The following FAM135B variants were observed in gnomAD, a reference collection of about 807,000 sequenced individuals.
FAM135B encodes the protein protein FAM135B.
Under a neutral mutation model 127.7 loss-of-function variants are expected in FAM135B, and 43 were observed. The ratio of observed to expected loss-of-function variants is 0.34; its 90% CI spans 0.26 to 0.43. The LOEUF is 0.43. Ranked by LOEUF, FAM135B falls within the 20% of genes least tolerant of loss-of-function variation. The pLI is 1.00. For missense variants in FAM135B, 1,558 were observed against 1,725.6 expected, an observed-to-expected ratio of 0.90 and a Z score of 1.72; for synonymous variants, 670 against 665.1, an observed-to-expected ratio of 1.01 and a Z score of -0.11.
chr8:138,290,146 T>G (rs939603261), intron 3 of FAM135B, among the ~76,000 whole-genome samples: 8 of 152,076 alleles, frequency 5.3e-5, no homozygotes, highest in African/African-American at 1.9e-4. Flanking sequence ...GAGTCCCCCT[T>G]ATGAGCTGGG....
At chr8:138,250,726 C>T in intron 6 of FAM135B, 115 bp downstream of exon 6, 3 of 1,179,270 alleles carry the variant, frequency 2.5e-6, no homozygotes, top group Non-Finnish European at 3.6e-6. Context: ...AAACCTGCAG[C>T]CTTAGAGAAA....
At chr8:138,474,780 C>T (rs1274561518) in intron 1 of FAM135B, among the ~76,000 whole-genome samples, 1 of 152,140 alleles carries the variant, frequency 6.6e-6, no homozygotes, top group African/African-American at 2.4e-5. Flanking sequence ...TGACTCCTTC[C>T]ACTAGGGCTG....
At chr8:138,351,252 C>T (rs76569568) in intron 2 of FAM135B, among the ~76,000 whole-genome samples, 2,076 of 152,218 alleles carry the variant, frequency 0.014, 47 homozygotes, top group African/African-American at 0.047. Flanking sequence ...GAAACAGGGT[C>T]TTTATAGAGT....
Position 138,288,898 on chromosome 8 carries a change from T to C in FAM135B, c.157+21943A>G, listed in dbSNP as rs148893698. Among the ~76,000 whole-genome samples the C allele has an allele frequency of 2.9e-3, 438 of 152,318 alleles. 1 individual carries two copies. The highest frequency in any genetic ancestry group is 1.0e-2 in the African/African-American group (415 of 41,582). ...TGAGCTTTGGAGCAGTGCCTGGAAA[T>C]GTTAAGTGCACCCAGTAGGTCTGCA... On this transcript the variant is annotated intron_variant, in intron 3 of 19. Transcript: ENST00000395297.
intron 2 of FAM135B, among the ~76,000 whole-genome samples, chr8:138,358,141 A>G (rs1830205024): frequency 6.6e-6 from 1 of 152,078 alleles, no homozygotes; most frequent in Non-Finnish European, 1.5e-5. Flanking sequence ...ATTCACTACC[A>G]CGAGAAAAGC....
At chr8:138,166,917 T>G (rs1018871654) in intron 12 of FAM135B, among the ~76,000 whole-genome samples, 1 of 152,178 alleles carries the variant, frequency 6.6e-6, no homozygotes, top group Admixed American at 6.5e-5. Flanking sequence ...TACCCTTTCC[T>G]GTTGGTTCAG....
chr8:138,167,473 G>A (rs763243719), intron 12 of FAM135B, among the ~76,000 whole-genome samples: 1 of 152,192 alleles, frequency 6.6e-6, no homozygotes, highest in Non-Finnish European at 1.5e-5. Context: ...TGGGATTACA[G>A]GCGCGAGCCA....
intron 7 of FAM135B, among the ~76,000 whole-genome samples, chr8:138,208,662 T>A (rs1384634553): frequency 2.6e-5 from 4 of 152,198 alleles, no homozygotes; most frequent in Non-Finnish European, 5.9e-5. Flanking sequence ...GGACAGAGAC[T>A]TTGCTGCCCT....
intron 1 of FAM135B, among the ~76,000 whole-genome samples, chr8:138,491,809 G>A (rs993240753): frequency 6.6e-6 from 1 of 152,208 alleles, no homozygotes; most frequent in African/African-American, 2.4e-5. Context: ...TGACATTTGA[G>A]TTGCAGCCAG....
In FAM135B at chr8:138,287,152, C is replaced by T. The variant is rs187343422; in HGVS notation, c.158-21310G>A. On this transcript the variant is annotated intron_variant, in intron 3 of 19. Transcript: ENST00000395297. ...GGAAGACATTTTCTACATGATATAC[C>T]CAAAAATTGTCATCAAAGATGTGGT... 6.0e-3 allele frequency among the ~76,000 whole-genome samples: 915 copies of T among 151,910 alleles called. 5 individuals carry two copies. The highest frequency in any genetic ancestry group is 0.021 in the African/African-American group (884 of 41,406).
At chr8:138,345,539 C>A (rs998374660) in intron 2 of FAM135B, among the ~76,000 whole-genome samples, 2 of 144,678 alleles carry the variant, frequency 1.4e-5, no homozygotes, top group Non-Finnish European at 3.0e-5. Context: ...CAGTGGAAAC[C>A]CTTGTTTTGC....
At chr8:138,452,912 A>C (rs1836575696) in intron 1 of FAM135B, among the ~76,000 whole-genome samples, 1 of 152,196 alleles carries the variant, frequency 6.6e-6, no homozygotes, top group African/African-American at 2.4e-5. Flanking sequence ...GTTTGGCCAG[A>C]AGAAATGATC....
At chr8:138,329,819 G>C (rs970424711) in intron 2 of FAM135B, among the ~76,000 whole-genome samples, 2 of 152,146 alleles carry the variant, frequency 1.3e-5, no homozygotes, top group Non-Finnish European at 2.9e-5. Context: ...CATTATTATA[G>C]CTCCAGAAAA....
At chr8:138,412,703 T>C (rs1369914566) in intron 1 of FAM135B, among the ~76,000 whole-genome samples, 1 of 152,212 alleles carries the variant, frequency 6.6e-6, no homozygotes, top group African/African-American at 2.4e-5. Context: ...AATGGAACAA[T>C]GGATAATACA....
At chr8:138,460,211 G>T (rs1406860382) in intron 1 of FAM135B, among the ~76,000 whole-genome samples, 1 of 152,174 alleles carries the variant, frequency 6.6e-6, no homozygotes, top group East Asian at 1.9e-4. Context: ...TGCAGATGAG[G>T]ACGCTGAGGC....
At chr8:138,415,099 C>G (rs1003927421) in intron 1 of FAM135B, among the ~76,000 whole-genome samples, 1 of 152,150 alleles carries the variant, frequency 6.6e-6, no homozygotes, top group Non-Finnish European at 1.5e-5. Context: ...TACTCAATCC[C>G]CATGCTCAAT....
In FAM135B at chr8:138,242,606, C is replaced by G. The variant is rs1323371408; in HGVS notation, c.669+336G>C. ...TGAAAGCGGGAGCCAGGTTTTGAAA[C>G]CAGACATGGCCTTCAACGTTATCAC... On this transcript the variant is annotated intron_variant, in intron 7 of 19. Coordinates refer to ENST00000395297, the MANE Select transcript of FAM135B (RefSeq NM_015912.4). The surrounding 1 kb of genome is among the most constrained non-coding windows in gnomAD (Gnocchi z 9.6). Among the ~76,000 whole-genome samples, 1 of 152,124 alleles carries G rather than the reference C, an allele frequency of 6.6e-6. No individual in the cohort carries two copies. The highest frequency in any genetic ancestry group is 1.5e-5 in the Non-Finnish European group (1 of 68,036).
chr8:138,332,391 T>A (rs1406701201), intron 2 of FAM135B, among the ~76,000 whole-genome samples: 11 of 152,178 alleles, frequency 7.2e-5, no homozygotes, highest in Admixed American at 7.2e-4. Flanking sequence ...ATTACTTTAA[T>A]GGACACTGCA....
chr8:138,377,156 G>T (rs1434478879), intron 1 of FAM135B, among the ~76,000 whole-genome samples: 64 of 152,094 alleles, frequency 4.2e-4, no homozygotes, highest in Non-Finnish European at 8.8e-5. Flanking sequence ...TGAATCTTCA[G>T]AGTATATGGT....
Sources: allele counts gnomAD v4.1 joint callset (sites outside exome capture counted in the v4.1 genomes callset), GRCh38; gene constraint gnomAD v4.1.1; non-coding constraint Gnocchi (gnomAD v3.1); transcripts MANE v1.5; gene names NCBI Gene and HGNC (gene_info 2026-07-23, HGNC 2026-07-21).